ANKFN1: variants seen among roughly 807,000 people sequenced by gnomAD.
ANKFN1 encodes ankyrin repeat and fibronectin type-III domain-containing protein 1.
ANKFN1 carries 74 observed loss-of-function variants against 108.7 expected under a neutral mutation model. That is an observed-to-expected ratio of 0.68 (90% CI 0.56 to 0.83). The LOEUF is 0.83. Among genes scored for constraint, ANKFN1 ranks in the 40% least tolerant of loss-of-function variants. The pLI, the probability that ANKFN1 is intolerant of heterozygous loss-of-function variation, is 0.00. For synonymous variants in ANKFN1, 547 were observed against 516.2 expected (o/e 1.06, Z -0.81); for missense variants, 1,505 against 1,382.3 (o/e 1.09, Z -1.41).
chr17:56,301,902 G>A (rs2044680804), intron 3 of ANKFN1, among the ~76,000 whole-genome samples: 1 of 152,136 alleles, frequency 6.6e-6, no homozygotes, highest in African/African-American at 2.4e-5. Context: ...GGATATCAAG[G>A]TTTTACATGA....
chr17:56,306,546 A>T (rs4794634), intron 3 of ANKFN1, among the ~76,000 whole-genome samples: 28,874 of 152,112 alleles, frequency 0.19, 3,595 homozygotes, highest in African/African-American at 0.36. Flanking sequence ...CTTCAAGGAG[A>T]ACTACAAACC....
chr17:56,165,787 C>T (rs1294462699), intron 1 of ANKFN1, among the ~76,000 whole-genome samples: 1 of 152,050 alleles, frequency 6.6e-6, no homozygotes, highest in African/African-American at 2.4e-5. Flanking sequence ...ACATCACTTT[C>T]CAGAACAGGG....
At chr17:56,226,670 G>A (rs1916299754) in intron 2 of ANKFN1, among the ~76,000 whole-genome samples, 1 of 151,964 alleles carries the variant, frequency 6.6e-6, no homozygotes, top group Non-Finnish European at 1.5e-5. Context: ...TTCTTAATTT[G>A]GTTTTACAAC....
chr17:56,368,572 G>T (rs558459453), intron 6 of ANKFN1, among the ~76,000 whole-genome samples: 1 of 151,594 alleles, frequency 6.6e-6, no homozygotes, highest in African/African-American at 2.4e-5. Flanking sequence ...GAGCCACCGC[G>T]CCCGGCTGAA....
At chr17:56,225,102 A>C (rs1356948922) in intron 2 of ANKFN1, among the ~76,000 whole-genome samples, 1 of 152,134 alleles carries the variant, frequency 6.6e-6, no homozygotes, top group Non-Finnish European at 1.5e-5. Flanking sequence ...TGGTGAGAGA[A>C]TGGTCTCTGC....
At chr17:56,268,324 A>G (rs931634838) in intron 3 of ANKFN1, among the ~76,000 whole-genome samples, 3 of 152,242 alleles carry the variant, frequency 2.0e-5, no homozygotes, top group African/African-American at 7.2e-5. Context: ...CTGCTCCTGA[A>G]TGACCTTTGG....
In ANKFN1 at chr17:56,170,780, A is replaced by ATATATATT. The variant is rs1214179838; in HGVS notation, c.-71+17257_-71+17258insTTATATAT. Among the ~76,000 whole-genome samples the ATATATATT allele has an allele frequency of 1.3e-4, 10 of 75,984 alleles. 1 individual carries two copies. The highest frequency in any genetic ancestry group is 6.8e-4 in the African/African-American group (10 of 14,674). 49.8% of individuals were successfully genotyped at this position (75,984 alleles called of 152,430 possible). A position where few individuals can be genotyped will look rare whatever the true frequency, so the allele number is the denominator to read the frequency against. ...TCTGTCAAGAAAAAATTTTTTATAT[A>ATATATATT]TATATATATATATATATATATATAT... On this transcript the variant is annotated intron_variant, in intron 1 of 20. Transcript: ENST00000682825.
chr17:56,077,366 A>G (rs1361203278), intron 4 of ANKFN1, among the ~76,000 whole-genome samples: 1 of 152,194 alleles, frequency 6.6e-6, no homozygotes, highest in Non-Finnish European at 1.5e-5. Context: ...CTTCATGGAT[A>G]GCCAAAATAT....
intron 3 of ANKFN1, among the ~76,000 whole-genome samples, chr17:56,262,807 C>G (rs2043550208): frequency 6.6e-6 from 1 of 151,644 alleles, no homozygotes. Context: ...CTGCCATACC[C>G]CCTCACAGAG....
At chr17:56,160,992 G>T (rs1909603721) in intron 1 of ANKFN1, among the ~76,000 whole-genome samples, 1 of 152,140 alleles carries the variant, frequency 6.6e-6, no homozygotes, top group African/African-American at 2.4e-5. Context: ...AAACCAGAGG[G>T]CTCTTTTGGC....
chr17:56,321,063 G>GAA (rs11332530), intron 3 of ANKFN1, among the ~76,000 whole-genome samples: 101 of 114,288 alleles, frequency 8.8e-4, no homozygotes, highest in East Asian at 6.9e-4. Flanking sequence ...TTTTCTTTAG[G>GAA]AAAAAAAAAA....
chr17:56,433,027 AC>A (rs2048810015), intron 8 of ANKFN1, among the ~76,000 whole-genome samples: 1 of 152,244 alleles, frequency 6.6e-6, no homozygotes, highest in African/African-American at 2.4e-5. Context: ...ATAATTATAT[AC>A]ATATGCGTAT....
At chr17:56,461,636 T>G (rs971147047) in intron 14 of ANKFN1, among the ~76,000 whole-genome samples, 2 of 152,228 alleles carry the variant, frequency 1.3e-5, no homozygotes, top group Non-Finnish European at 2.9e-5. Flanking sequence ...CCTTGTATTC[T>G]TCATTCAGGA....
chr17:56,310,885 C>A (rs1019740845), intron 3 of ANKFN1, among the ~76,000 whole-genome samples: 1 of 151,982 alleles, frequency 6.6e-6, no homozygotes, highest in African/African-American at 2.4e-5. Flanking sequence ...GCCTGTGTAA[C>A]GGAAATTTTG....
At chr17:56,171,379 G>A (rs1168252024) in intron 1 of ANKFN1, among the ~76,000 whole-genome samples, 1 of 152,100 alleles carries the variant, frequency 6.6e-6, no homozygotes, top group East Asian at 1.9e-4. Flanking sequence ...AGGAGCCTGT[G>A]TTTCTCCCAC....
At chr17:56,183,897 A>G (rs1405443878) in intron 1 of ANKFN1, among the ~76,000 whole-genome samples, 1 of 152,220 alleles carries the variant, frequency 6.6e-6, no homozygotes, top group East Asian at 1.9e-4. Flanking sequence ...CTAAAATTAG[A>G]AGTAAAGCCT....
chr17:56,138,502 TTTTTC>T (rs1230068010), intron 4 of ANKFN1, among the ~76,000 whole-genome samples: 1 of 147,076 alleles, frequency 6.8e-6, no homozygotes, highest in African/African-American at 2.5e-5. Context: ...TCAACATTTT[TTTTTC>T]TTTTCTTTTT....
At chr17:56,460,600 T>C (rs2049868669) in intron 14 of ANKFN1, among the ~76,000 whole-genome samples, 2 of 152,178 alleles carry the variant, frequency 1.3e-5, no homozygotes, top group African/African-American at 4.8e-5. Context: ...TGGAAATTAA[T>C]GATTTTTTCT....
chr17:56,267,361 T>A (rs191661569), intron 3 of ANKFN1, among the ~76,000 whole-genome samples: 1 of 152,308 alleles, frequency 6.6e-6, no homozygotes, highest in East Asian at 1.9e-4. Context: ...CCCTTGGTAG[T>A]TGTCTGTTTA....
Sources: allele counts gnomAD v4.1 joint callset (sites outside exome capture counted in the v4.1 genomes callset), GRCh38; gene constraint gnomAD v4.1.1; transcripts MANE v1.5; gene names NCBI Gene and HGNC (gene_info 2026-07-23, HGNC 2026-07-21).